The following SSBP2 variants were observed in gnomAD, a reference collection of about 807,000 sequenced individuals.
SSBP2 encodes the protein single stranded DNA binding protein 2.
SSBP2 carries 17 observed loss-of-function variants against 61.8 expected under a neutral mutation model. That is an observed-to-expected ratio of 0.28 (90% confidence interval 0.19 to 0.41). The LOEUF (loss-of-function observed/expected upper bound fraction) is 0.41, where lower values mean the gene tolerates loss of function less well. SSBP2 is among the 10% of genes least tolerant of loss of function. SSBP2 has a pLI of 1.00. For synonymous variants in SSBP2, 139 were observed against 141.3 expected (o/e 0.98, Z 0.12); for missense variants, 310 against 458.7 (o/e 0.68, Z 2.96).
At chr5:81,725,889 G>C (rs892262854) in intron 1 of SSBP2, among the ~76,000 whole-genome samples, 1 of 152,008 alleles carries the variant, frequency 6.6e-6, no homozygotes, top group African/African-American at 2.4e-5. Flanking sequence ...ATGGACACAT[G>C]GTGGGTTGAT....
intron 4 of SSBP2, among the ~76,000 whole-genome samples, chr5:81,527,606 A>G (rs1229737701): frequency 6.6e-6 from 1 of 151,976 alleles, no homozygotes; most frequent in African/African-American, 2.4e-5. Flanking sequence ...TTTAGAAGGT[A>G]TTTCCAGAAA....
chr5:81,555,139 C>A (rs1299502139), intron 4 of SSBP2, among the ~76,000 whole-genome samples: 1 of 151,948 alleles, frequency 6.6e-6, no homozygotes, highest in Non-Finnish European at 1.5e-5. Context: ...TGATTTCTTA[C>A]AAAACAAGGT....
chr5:81,476,516 A>G (rs1401362061), intron 6 of SSBP2, among the ~76,000 whole-genome samples: 1 of 152,068 alleles, frequency 6.6e-6, no homozygotes, highest in African/African-American at 2.4e-5. Flanking sequence ...TTTATGATCT[A>G]GTTATATTTT....
At chr5:81,667,608 A>G (rs1246409479) in intron 1 of SSBP2, among the ~76,000 whole-genome samples, 1 of 152,156 alleles carries the variant, frequency 6.6e-6, no homozygotes, top group African/African-American at 2.4e-5. Context: ...GCTAGAAAGT[A>G]GCTTAAAGAT....
At chr5:81,750,693 C>T in intron 1 of SSBP2, 1 of 464,192 alleles carries the variant, frequency 2.2e-6, no homozygotes, top group South Asian at 2.6e-5. Flanking sequence ...TTATTTCCCT[C>T]AATCACCCAA....
chr5:81,700,739 T>C (rs1214474189), intron 1 of SSBP2, among the ~76,000 whole-genome samples: 2 of 152,248 alleles, frequency 1.3e-5, no homozygotes, highest in African/African-American at 4.8e-5. Context: ...TGCACTTTTA[T>C]ATTATGGAGA....
chr5:81,653,023 A>G (rs541338325), intron 1 of SSBP2, among the ~76,000 whole-genome samples: 3 of 151,380 alleles, frequency 2.0e-5, no homozygotes, highest in East Asian at 2.0e-4. Context: ...ATGTATACAC[A>G]TGCCACGGTG....
At chr5:81,451,078 T>G (rs1763737409) in intron 10 of SSBP2, among the ~76,000 whole-genome samples, 2 of 152,212 alleles carry the variant, frequency 1.3e-5, no homozygotes, top group South Asian at 4.1e-4. Flanking sequence ...TTATAGTATT[T>G]GCCAGTTACT....
At chr5:81,616,868 C>T (rs1561611893) in intron 3 of SSBP2, among the ~76,000 whole-genome samples, 1 of 152,234 alleles carries the variant, frequency 6.6e-6, no homozygotes. Flanking sequence ...GCCGGGTACT[C>T]CAACAGACCT....
chr5:81,678,534 T>A lies in SSBP2; in HGVS notation c.63-28195A>T, dbSNP rs565723631. On this transcript the variant is annotated intron_variant, in intron 1 of 16. Transcript: ENST00000320672. Reference sequence around the variant, plus strand: ...AATAATGACTGATAATTTTTCCAAATTAACGTCAAACACCAAACCACAAAT... The same window carrying A: ...AATAATGACTGATAATTTTTCCAAAATAACGTCAAACACCAAACCACAAAT... Among the ~76,000 whole-genome samples, 229 of 152,100 alleles carry A rather than the reference T, an allele frequency of 1.5e-3. 7 individuals carry two copies. The South Asian group carries it at 0.046, about 30-fold the overall frequency.
intron 1 of SSBP2, among the ~76,000 whole-genome samples, chr5:81,663,298 A>G (rs1462539431): frequency 1.3e-5 from 2 of 152,154 alleles, no homozygotes; most frequent in East Asian, 3.8e-4. Flanking sequence ...ACATGTCCGT[A>G]TGTATGTATG....
At chr5:81,692,366 AAAATGG>A (rs1753274548) in intron 1 of SSBP2, among the ~76,000 whole-genome samples, 1 of 152,246 alleles carries the variant, frequency 6.6e-6, no homozygotes, top group Non-Finnish European at 1.5e-5. Context: ...GACAACAAAA[AAAATGG>A]AAAGATATTC....
chr5:81,595,844 AAAT>A (rs1743683575), intron 4 of SSBP2, among the ~76,000 whole-genome samples: 1 of 152,222 alleles, frequency 6.6e-6, no homozygotes, highest in Admixed American at 6.5e-5. Flanking sequence ...ACGTATTTCA[AAAT>A]AATAAGAGCT....
At chr5:81,671,203 T>A (rs1236549199) in intron 1 of SSBP2, among the ~76,000 whole-genome samples, 1 of 152,138 alleles carries the variant, frequency 6.6e-6, no homozygotes, top group Non-Finnish European at 1.5e-5. Flanking sequence ...AGGATAGAAA[T>A]GTATGGTAAT....
At chr5:81,698,114 A>G (rs1448629193) in intron 1 of SSBP2, among the ~76,000 whole-genome samples, 1 of 152,220 alleles carries the variant, frequency 6.6e-6, no homozygotes, top group East Asian at 1.9e-4. Flanking sequence ...AACATAGAAT[A>G]TAAATGAACT....
At chr5:81,696,199 T>C (rs968011432) in intron 1 of SSBP2, among the ~76,000 whole-genome samples, 3 of 152,130 alleles carry the variant, frequency 2.0e-5, no homozygotes, top group Non-Finnish European at 2.9e-5. Flanking sequence ...TCCACCCCAA[T>C]ACTATTCCAT....
At chr5:81,483,602 C>T (rs973849925) in intron 6 of SSBP2, among the ~76,000 whole-genome samples, 1 of 152,140 alleles carries the variant, frequency 6.6e-6, no homozygotes, top group African/African-American at 2.4e-5. Flanking sequence ...CAAAGTTATA[C>T]ATTGCTGGCT....
intron 1 of SSBP2, among the ~76,000 whole-genome samples, chr5:81,733,571 A>G (rs1756404768): frequency 6.6e-6 from 1 of 152,232 alleles, no homozygotes; most frequent in Admixed American, 6.5e-5. Flanking sequence ...TGGATTACTT[A>G]AAATCAAACA....
At chr5:81,509,662 A>G (rs907294017) in intron 5 of SSBP2, among the ~76,000 whole-genome samples, 1 of 152,202 alleles carries the variant, frequency 6.6e-6, no homozygotes, top group Non-Finnish European at 1.5e-5. Flanking sequence ...ACATATTTAA[A>G]TGTTGAATAG....
Sources: allele counts gnomAD v4.1 joint callset (sites outside exome capture counted in the v4.1 genomes callset), GRCh38; gene constraint gnomAD v4.1.1; transcripts MANE v1.5; gene names NCBI Gene and HGNC (gene_info 2026-07-23, HGNC 2026-07-21).